The following POT1 variants were observed in gnomAD, a reference collection of about 807,000 sequenced individuals.
POT1 encodes protection of telomeres protein 1.
Under a neutral mutation model 78.5 loss-of-function variants are expected in POT1, and 47 were observed. The observed-to-expected ratio is 0.60, with a 90% CI of 0.47 to 0.76. The LOEUF (loss-of-function observed/expected upper bound fraction) is 0.76, where lower values mean the gene tolerates loss of function less well. Among genes scored for constraint, POT1 ranks in the 30% least tolerant of loss-of-function variants. POT1 has a pLI of 0.00. For missense variants in POT1, 646 were observed against 749.9 expected, an observed-to-expected ratio of 0.86 and a Z score of 1.62; for synonymous variants, 259 against 260.7, an observed-to-expected ratio of 0.99 and a Z score of 0.06.
In POT1 at chr7:124,840,936, G is replaced by T. The variant is rs372998210; in HGVS notation, c.1369+37C>A. ...AATTAATTAGGAAAAATATGCAAAA[G>T]GAGTATTCTAACAAAACAGTGACTT... is the stretch of plus-strand genomic sequence containing the variant. On this transcript the variant is annotated intron_variant, in intron 14 of 18. Coordinates refer to ENST00000357628, the MANE Select transcript of POT1 (RefSeq NM_015450.3). The T allele has an allele frequency of 2.1e-5, 30 of 1,459,190 alleles. No individual in the cohort carries two copies. The African/African-American group carries it at 4.2e-4, about 20-fold the overall frequency. The allele number at this position is 1,459,190 out of a possible 1,614,324, so 90.4% of individuals were successfully genotyped here.
At chr7:124,850,977 T>TA in intron 11 of POT1, among the ~76,000 whole-genome samples, 1 of 149,206 alleles carries the variant, frequency 6.7e-6, no homozygotes, top group South Asian at 2.1e-4. Context: ...AAGTAGAAAT[T>TA]AAGACAGGCC....
intron 11 of POT1, 141 bp from the exon 12 acceptor site, chr7:124,847,139 A>G (rs1795190584): frequency 4.9e-6 from 3 of 608,144 alleles, no homozygotes; most frequent in African/African-American, 1.9e-5. Flanking sequence ...AGAAGGCTCA[A>G]TATTGTTAAG....
At chr7:124,832,736 C>T (rs1402301337) in intron 15 of POT1, among the ~76,000 whole-genome samples, 1 of 150,918 alleles carries the variant, frequency 6.6e-6, no homozygotes, top group African/African-American at 2.4e-5. Context: ...ACAGGAGAAT[C>T]GCTTGAACCG....
chr7:124,899,511 A>C (rs1258295153), intron 3 of POT1, among the ~76,000 whole-genome samples: 2 of 152,194 alleles, frequency 1.3e-5, no homozygotes, highest in Non-Finnish European at 1.5e-5. Flanking sequence ...GCAGTTTAAA[A>C]AAATAAAATG....
intron 16 of POT1, chr7:124,828,928 T>C: frequency 1.7e-6 from 1 of 585,692 alleles, no homozygotes; most frequent in South Asian, 1.4e-5. Context: ...TATTCTGAAT[T>C]GGCCAAACAA....
At chr7:124,825,206 A>G (rs747105979) in intron 18 of POT1, 46 bp downstream of exon 18, 8 of 1,283,472 alleles carry the variant, frequency 6.2e-6, no homozygotes, top group Non-Finnish European at 7.9e-6. Context: ...TGTTAGTGCT[A>G]TCTCAAGTAA....
At chr7:124,902,820 G>A (rs1218429015) in intron 3 of POT1, among the ~76,000 whole-genome samples, 4 of 152,064 alleles carry the variant, frequency 2.6e-5, no homozygotes, top group African/African-American at 9.7e-5. Flanking sequence ...AAATTAAAGG[G>A]ATGGAGGAAG....
chr7:124,883,244 A>G (rs1796163829), intron 6 of POT1, among the ~76,000 whole-genome samples: 1 of 152,120 alleles, frequency 6.6e-6, no homozygotes, highest in Non-Finnish European at 1.5e-5. Flanking sequence ...TATATATTCA[A>G]AAAGCATGGT....
At chr7:124,884,158 C>T (rs1379405408) in intron 6 of POT1, among the ~76,000 whole-genome samples, 2 of 151,986 alleles carry the variant, frequency 1.3e-5, no homozygotes, top group Non-Finnish European at 2.9e-5. Context: ...ACATGTCCTT[C>T]TCAGATGTGA....
chr7:124,896,722 G>T (rs1185466832), intron 5 of POT1, among the ~76,000 whole-genome samples: 8 of 151,568 alleles, frequency 5.3e-5, no homozygotes, highest in African/African-American at 9.7e-5. Flanking sequence ...GGGGAAAATG[G>T]TTAAAAAGAA....
chr7:124,896,100 A>T (rs1365087394), intron 5 of POT1, among the ~76,000 whole-genome samples: 2 of 151,620 alleles, frequency 1.3e-5, no homozygotes, highest in African/African-American at 4.8e-5. Flanking sequence ...TCAGGAAAAC[A>T]AGAAACTCAA....
At chr7:124,927,919 G>A (rs1159246472) in intron 2 of POT1, among the ~76,000 whole-genome samples, 1 of 151,934 alleles carries the variant, frequency 6.6e-6, no homozygotes, top group Non-Finnish European at 1.5e-5. Context: ...ATCCTGTCAG[G>A]TCTAAAGGAA....
chr7:124,891,543 G>A lies in POT1; in HGVS notation c.124+723C>T, dbSNP rs190039620. Reference sequence around the variant, plus strand: ...TAGTTATTCATTAGGAAGGTCTTACGATTGCCATTTAATTCACTGTTTTCT... The same window carrying A: ...TAGTTATTCATTAGGAAGGTCTTACAATTGCCATTTAATTCACTGTTTTCT... On this transcript the variant is annotated intron_variant, in intron 6 of 18. Transcript: ENST00000357628. Among the ~76,000 whole-genome samples, 177 of 151,342 alleles carry A rather than the reference G, an allele frequency of 1.2e-3. 1 individual carries two copies. The highest frequency in any genetic ancestry group is 3.9e-3 in the African/African-American group (161 of 41,402).
chr7:124,861,008 C>T (rs1024738105), intron 8 of POT1, among the ~76,000 whole-genome samples: 2 of 152,044 alleles, frequency 1.3e-5, no homozygotes, highest in Non-Finnish European at 2.9e-5. Context: ...GTCTACCATT[C>T]GTGGGCATTT....
In POT1 at chr7:124,892,091, A is replaced by G. The variant is rs139075852; in HGVS notation, c.124+175T>C. On this transcript the variant is annotated intron_variant, in intron 6 of 18. Coordinates refer to ENST00000357628, the MANE Select transcript of POT1 (RefSeq NM_015450.3). Reference sequence around the variant, plus strand: ...TGTCTTTAACTAGACTCTAGAATCTAAAGATCACGTTTATTTTACAAATTA... The same window carrying G: ...TGTCTTTAACTAGACTCTAGAATCTGAAGATCACGTTTATTTTACAAATTA... Among the ~76,000 whole-genome samples the G allele has an allele frequency of 2.9e-3, 446 of 151,704 alleles. 2 individuals carry two copies. The highest frequency in any genetic ancestry group is 9.8e-3 in the African/African-American group (406 of 41,500).
chr7:124,840,805 C>A, intron 14 of POT1, 168 bp downstream of exon 14: 5 of 489,468 alleles, frequency 1.0e-5, no homozygotes, highest in Non-Finnish European at 1.8e-5. Flanking sequence ...TGAACGTGTG[C>A]TTATATATAT....
chr7:124,872,446 T>C (rs576897236), intron 6 of POT1, among the ~76,000 whole-genome samples: 1 of 152,334 alleles, frequency 6.6e-6, no homozygotes, highest in African/African-American at 2.4e-5. Context: ...GAATCATCTC[T>C]TCATGCAGGG....
chr7:124,908,664 T>A (rs1796822359), intron 3 of POT1, among the ~76,000 whole-genome samples: 1 of 151,968 alleles, frequency 6.6e-6, no homozygotes, highest in Admixed American at 6.6e-5. Context: ...ATTGTTTAAT[T>A]CTTCTCCAGG....
At chr7:124,887,596 G>A (rs1300670372) in intron 6 of POT1, among the ~76,000 whole-genome samples, 1 of 152,006 alleles carries the variant, frequency 6.6e-6, no homozygotes, top group Non-Finnish European at 1.5e-5. Context: ...TTTGCAACAT[G>A]ATCACAACTC....
Sources: allele counts gnomAD v4.1 joint callset (sites outside exome capture counted in the v4.1 genomes callset), GRCh38; gene constraint gnomAD v4.1.1; transcripts MANE v1.5; gene names NCBI Gene and HGNC (gene_info 2026-07-23, HGNC 2026-07-21).